The following MET variants were observed in gnomAD, a reference collection of about 807,000 sequenced individuals.
MET encodes the protein MET proto-oncogene, receptor tyrosine kinase.
In MET, 48 loss-of-function variants were observed where a neutral mutation model predicts 133.1. The ratio of observed to expected loss-of-function variants is 0.36; its 90% CI spans 0.29 to 0.46. The LOEUF is 0.46. MET is among the 20% of genes least tolerant of loss of function. MET has a pLI of 1.00. For missense variants in MET, 1,442 were observed against 1,695.9 expected, an observed-to-expected ratio of 0.85 and a Z score of 2.63; for synonymous variants, 628 against 616.5, an observed-to-expected ratio of 1.02 and a Z score of -0.28.
chr7:116,707,030 A>T (rs940765294), intron 2 of MET, among the ~76,000 whole-genome samples: 34 of 151,926 alleles, frequency 2.2e-4, no homozygotes, highest in Non-Finnish European at 1.5e-5. Flanking sequence ...TTGCTGAGCC[A>T]TGTTGACTTC....
At chr7:116,690,404 T>C (rs1796738415) in intron 1 of MET, among the ~76,000 whole-genome samples, 1 of 152,130 alleles carries the variant, frequency 6.6e-6, no homozygotes, top group Non-Finnish European at 1.5e-5. Context: ...CCACACTCTC[T>C]CCACTACACT....
intron 2 of MET, among the ~76,000 whole-genome samples, chr7:116,722,310 C>CT (rs1214144183): frequency 6.6e-6 from 1 of 150,876 alleles, no homozygotes; most frequent in Non-Finnish European, 1.5e-5. Flanking sequence ...CAACCCCTGC[C>CT]TTTTTTTGTT....
chr7:116,778,215 G>A (rs192600901), intron 16 of MET, among the ~76,000 whole-genome samples: 6 of 152,116 alleles, frequency 3.9e-5, no homozygotes, highest in African/African-American at 1.2e-4. Flanking sequence ...TCCTGGCTCC[G>A]CCTGTGTTGA....
In MET at chr7:116,726,253, A is replaced by T. The variant is rs574832774; in HGVS notation, c.1201-5415A>T. 1.4e-4 allele frequency among the ~76,000 whole-genome samples: 20 copies of T among 145,030 alleles called. No homozygotes were observed. In the East Asian group the frequency reaches 4.1e-3, roughly 30 times the overall value. On this transcript the variant is annotated intron_variant, in intron 2 of 20. Transcript: ENST00000397752. ...ATATTACCTTTGAAGTCCCCTGAATATCCCATCCTAGCAATATTCCTCCCC... is the reference window on the plus strand; with the variant it reads ...ATATTACCTTTGAAGTCCCCTGAATTTCCCATCCTAGCAATATTCCTCCCC...
At chr7:116,717,289 C>G (rs552248968) in intron 2 of MET, among the ~76,000 whole-genome samples, 2 of 152,156 alleles carry the variant, frequency 1.3e-5, no homozygotes, top group Non-Finnish European at 2.9e-5. Context: ...TCAGTACAGA[C>G]AGTAAAGAGT....
Position 116,687,627 on chromosome 7 carries a change from A to G in MET, c.-14-11444A>G, listed in dbSNP as rs1584863277. Among the ~76,000 whole-genome samples the G allele has an allele frequency of 3.9e-5, 6 of 152,356 alleles. No homozygotes were observed. The South Asian group carries it at 1.2e-3, about 32-fold the overall frequency. On this transcript the variant is annotated intron_variant, in intron 1 of 20. Coordinates refer to ENST00000397752, the MANE Select transcript of MET (RefSeq NM_000245.4). ...CAATTCTTGTCTACTTTGCCTAAAT[A>G]AGAAAATGTCATATACTGACAATTT...
At chr7:116,704,237 G>A (rs1791693031) in intron 2 of MET, among the ~76,000 whole-genome samples, 2 of 152,100 alleles carry the variant, frequency 1.3e-5, no homozygotes, top group Non-Finnish European at 2.9e-5. Context: ...CCTGGCACAA[G>A]ATGACTATAA....
At chr7:116,713,673 G>A (rs1792087863) in intron 2 of MET, among the ~76,000 whole-genome samples, 1 of 152,178 alleles carries the variant, frequency 6.6e-6, no homozygotes, top group Admixed American at 6.5e-5. Flanking sequence ...GATAAGTAAA[G>A]AGTCTCACTC....
chr7:116,751,681 A>C (rs1203775666), intron 5 of MET, among the ~76,000 whole-genome samples: 1 of 152,196 alleles, frequency 6.6e-6, no homozygotes, highest in Admixed American at 6.5e-5. Flanking sequence ...CTCATACTTA[A>C]AGAGCAATGA....
At chr7:116,691,566 G>C (rs1007647379) in intron 1 of MET, among the ~76,000 whole-genome samples, 1 of 152,122 alleles carries the variant, frequency 6.6e-6, no homozygotes, top group African/African-American at 2.4e-5. Context: ...TTACTGGCTC[G>C]CCTTAGCTTA....
At chr7:116,757,949 A>G in intron 8 of MET, 175 bp downstream of exon 8, 2 of 697,030 alleles carry the variant, frequency 2.9e-6, no homozygotes, top group African/African-American at 3.6e-5. Flanking sequence ...CCTTTTGCTG[A>G]TTTTTCTTCC....
At chr7:116,716,525 GAAA>G (rs1792243612) in intron 2 of MET, among the ~76,000 whole-genome samples, 1 of 145,496 alleles carries the variant, frequency 6.9e-6, no homozygotes, top group East Asian at 2.0e-4. Context: ...AAGAAAGAAA[GAAA>G]GAAAGAAAGA....
chr7:116,765,778 G>C (rs1794604560), intron 11 of MET, among the ~76,000 whole-genome samples: 1 of 152,118 alleles, frequency 6.6e-6, no homozygotes, highest in South Asian at 2.1e-4. Context: ...TATTTCATTT[G>C]AGTCTCATGT....
chr7:116,699,121 G>T lies in MET; in HGVS notation c.37G>T (p.Val13Leu), dbSNP rs781777052. ...APAVLAPGIL[V>L]LLFTLVQRSN... ...CGCTGTGCTTGCACCTGGCATCCTCGTGCTCCTGTTTACCTTGGTGCAGAG... is the reference window on the plus strand; with the variant it reads ...CGCTGTGCTTGCACCTGGCATCCTCTTGCTCCTGTTTACCTTGGTGCAGAG... The change falls in exon 2 of 21, where the codon GTG (valine) becomes TTG (leucine). Residue 13 changes from valine to leucine, a missense_variant. By Grantham distance (32) the Val-to-Leu change is conservative. Around this residue, in one of 6 missense-constraint regions of MET, gnomAD observed 762 missense variants for 792.4 expected, o/e 0.96. Coordinates refer to ENST00000397752, the MANE Select transcript of MET (RefSeq NM_000245.4). The T allele has an allele frequency of 6.2e-7, 1 of 1,613,820 alleles. No individual in the cohort carries two copies. The highest frequency in any genetic ancestry group is 8.5e-7 in the Non-Finnish European group (1 of 1,179,842).
chr7:116,775,632 A>C (rs941134920), intron 15 of MET, among the ~76,000 whole-genome samples: 1 of 152,188 alleles, frequency 6.6e-6, no homozygotes, highest in Non-Finnish European at 1.5e-5. Context: ...GCTTGAACCC[A>C]GGAGGTGGAA....
Position 116,740,856 on chromosome 7 carries a change from C to T in MET, c.1532C>T (p.Thr511Met), listed in dbSNP as rs371124109. The T allele has an allele frequency of 1.2e-5, 19 of 1,613,962 alleles. No homozygotes were observed. Among genetic ancestry groups the T allele is most frequent in the East Asian group, 4.5e-5 (2 of 44,886 alleles). ...TTCCACCCCTTCTCTTCACAGATCA[C>T]GAAGATCCCATTGAATGGCTTGGGC... ...YTLVITGKKI[T>M]KIPLNGLGCR... Residue 511 changes from threonine (T) to methionine (M), a missense_variant, in exon 5 of 21, where the codon ACG (threonine) becomes ATG (methionine). Coordinates refer to ENST00000397752, the MANE Select transcript of MET (RefSeq NM_000245.4).
At chr7:116,708,841 CT>C (rs1030022257) in intron 2 of MET, among the ~76,000 whole-genome samples, 15 of 152,154 alleles carry the variant, frequency 9.9e-5, no homozygotes, top group African/African-American at 3.6e-4. Flanking sequence ...GGGGATTGTC[CT>C]TTTACCAATA....
intron 2 of MET, among the ~76,000 whole-genome samples, chr7:116,722,262 T>C (rs1792522854): frequency 6.6e-6 from 1 of 150,724 alleles, no homozygotes; most frequent in African/African-American, 2.4e-5. Flanking sequence ...TTTTGATCTT[T>C]GTTGGTTTAA....
chr7:116,772,555 T>C (rs1794869714), intron 14 of MET, among the ~76,000 whole-genome samples: 1 of 152,198 alleles, frequency 6.6e-6, no homozygotes, highest in Non-Finnish European at 1.5e-5. Flanking sequence ...ACACTATGCC[T>C]AGTAATGTTC....
Sources: gnomAD v4.1 joint callset for allele counts (sites outside exome capture counted in the v4.1 genomes callset) on GRCh38, gnomAD v4.1.1 for gene constraint, gnomAD v4.1.1 regional missense constraint, MANE v1.5 for transcripts, NCBI Gene and HGNC (gene_info 2026-07-23, HGNC 2026-07-21) for gene names.